AKIP1: variants seen among roughly 807,000 people sequenced by gnomAD.
AKIP1 encodes A-kinase interacting protein 1.
A neutral mutation model predicts 22.3 loss-of-function variants in AKIP1; 18 were observed. The observed-to-expected ratio is 0.81, with a 90% confidence interval of 0.56 to 1.19. The LOEUF is 1.19. Among genes scored for constraint, AKIP1 ranks in the 50% most tolerant of loss-of-function variants. The probability of loss-of-function intolerance (pLI) is 0.00; values close to 1 mark genes in which losing one functional copy is unlikely to be tolerated. For missense variants in AKIP1, 287 were observed against 264.6 expected (o/e 1.08, Z -0.59); for synonymous variants, 120 against 102.7 (o/e 1.17, Z -1.02).
intron 4 of AKIP1, 127 bp from the exon 5 acceptor site, chr11:8,917,160 C>T: frequency 1.7e-6 from 1 of 593,412 alleles, no homozygotes; most frequent in Non-Finnish European, 2.9e-6. Flanking sequence ...GCCTTAATGA[C>T]TTAGATGACA....
intron 5 of AKIP1, among the ~76,000 whole-genome samples, chr11:8,918,276 T>C (rs1353014531): frequency 6.6e-6 from 1 of 152,236 alleles, no homozygotes; most frequent in Non-Finnish European, 1.5e-5. Flanking sequence ...TTAATGACAT[T>C]GTCATACACA....
intron 2 of AKIP1, 96 bp from the exon 3 acceptor site, chr11:8,912,357 C>G: frequency 1.0e-6 from 1 of 961,020 alleles, no homozygotes; most frequent in East Asian, 2.4e-5. Context: ...CTTGCAGAGC[C>G]TTTCCAAAAG....
intron 1 of AKIP1, 75 bp from the exon 2 acceptor site, chr11:8,911,369 T>G: frequency 7.4e-7 from 1 of 1,345,246 alleles, no homozygotes; most frequent in Non-Finnish European, 1.0e-6. Context: ...AGGCTGGGGC[T>G]CCCACCCGGA....
Position 8,919,956 on chromosome 11 carries a change from G to C in AKIP1, c.*476G>C, listed in dbSNP as rs1196125965. The C allele has an allele frequency of 6.2e-6, 1 of 161,546 alleles. No homozygotes were observed. 10.0% of individuals were successfully genotyped at this position (161,546 alleles called of 1,614,324 possible). A position where few individuals can be genotyped will look rare whatever the true frequency, so the allele number is the denominator to read the frequency against. On this transcript the variant is annotated 3_prime_UTR_variant, in exon 6 of 6. Transcript: ENST00000309377. Reference sequence around the variant, plus strand: ...CCGGCCTCAGTGCCTTTTTTAACTTGAGGGTGTAGAGGTCCTCCACGCTTG... The same window carrying C: ...CCGGCCTCAGTGCCTTTTTTAACTTCAGGGTGTAGAGGTCCTCCACGCTTG...
chr11:8,917,430 C>A (rs1307014572), intron 5 of AKIP1, 63 bp downstream of exon 5: 1 of 1,257,586 alleles, frequency 8.0e-7, no homozygotes, highest in Non-Finnish European at 1.2e-6. Context: ...AACCAGTTGA[C>A]ATGGTTCTTA....
At chr11:8,915,845 T>A (rs3105215) in intron 4 of AKIP1, among the ~76,000 whole-genome samples, 124,947 of 138,700 alleles carry the variant, frequency 0.9, 57,869 homozygotes, top group East Asian at 1. Flanking sequence ...TTTTGTGGAG[T>A]CACAGTCTTG....
intron 5 of AKIP1, 177 bp downstream of exon 5, chr11:8,917,544 G>T: frequency 1.6e-6 from 1 of 615,408 alleles, no homozygotes. Context: ...GGTTTTCTTG[G>T]TATTCTTCCT....
At chr11:8,912,669 A>G in intron 3 of AKIP1, 136 bp downstream of exon 3, 1 of 786,850 alleles carries the variant, frequency 1.3e-6, no homozygotes, top group Non-Finnish European at 2.1e-6. Context: ...TAATCAGTCA[A>G]GGACTTAAAC....
chr11:8,919,584 A>G lies in AKIP1; in HGVS notation c.*104A>G. ...TACATTAATCCTGTTTTTAGTGCTG[A>G]CTGGGTCAGCCTTCCGGGAACTGGA... is the stretch of plus-strand genomic sequence containing the variant. On this transcript the variant is annotated 3_prime_UTR_variant, in exon 6 of 6. Coordinates refer to ENST00000309377, the MANE Select transcript of AKIP1 (RefSeq NM_020642.4). 2 of 1,316,170 alleles carry G rather than the reference A, an allele frequency of 1.5e-6. No homozygotes were observed. 81.5% of individuals were successfully genotyped at this position (1,316,170 alleles called of 1,614,324 possible). A position where few individuals can be genotyped will look rare whatever the true frequency, so the allele number is the denominator to read the frequency against.
In AKIP1 at chr11:8,919,648, T is replaced by G. The variant is rs2064547983; in HGVS notation, c.*168T>G. On this transcript the variant is annotated 3_prime_UTR_variant, in exon 6 of 6. Coordinates refer to ENST00000309377, the MANE Select transcript of AKIP1 (RefSeq NM_020642.4). ...AGTGCTTTTTTGTTTGTTTGGTTGGTTTTTTTTTGAGACAGTCTCACTCTG... is the reference window on the plus strand; with the variant it reads ...AGTGCTTTTTTGTTTGTTTGGTTGGGTTTTTTTTGAGACAGTCTCACTCTG... 2 of 720,152 alleles carry G rather than the reference T, an allele frequency of 2.8e-6. No homozygotes were observed. The highest frequency in any genetic ancestry group is 2.2e-6 in the Non-Finnish European group (1 of 457,104). The allele number at this position is 720,152 out of a possible 1,614,324, so 44.6% of individuals were successfully genotyped here. A position where few individuals can be genotyped will look rare whatever the true frequency, so the allele number is the denominator to read the frequency against.
At chr11:8,917,613 A>G (rs1288386010) in intron 5 of AKIP1, 1 of 531,154 alleles carries the variant, frequency 1.9e-6, no homozygotes, top group Admixed American at 3.1e-5. Flanking sequence ...GTTGGAAAGA[A>G]TGTGAAGTAT....
rs1384027174 is a variant in AKIP1, at chr11:8,919,855, T to G, written c.*375T>G. The G allele has an allele frequency of 5.5e-6, 1 of 182,278 alleles. No individual in the cohort carries two copies. Among genetic ancestry groups the G allele is most frequent in the Non-Finnish European group, 1.2e-5 (1 of 86,416 alleles). The allele number at this position is 182,278 out of a possible 1,614,324, so 11.3% of individuals were successfully genotyped here. Reference sequence around the variant, plus strand: ...GGTTTCACCATGTTGGCCAGGATGGTCTCGATCTCTTGACCTCGTGATCCA... The same window carrying G: ...GGTTTCACCATGTTGGCCAGGATGGGCTCGATCTCTTGACCTCGTGATCCA... On this transcript the variant is annotated 3_prime_UTR_variant, in exon 6 of 6. Coordinates refer to ENST00000309377, the MANE Select transcript of AKIP1 (RefSeq NM_020642.4).
Position 8,919,327 on chromosome 11 carries a change from T to C in AKIP1, c.490-10T>C, listed in dbSNP as rs199618221. On this transcript the variant is annotated splice_polypyrimidine_tract_variant and intron_variant, in intron 5 of 5. Transcript: ENST00000309377. ...ATCTCTAAACTGCTAATATCCTCTTTTCCTTCTAGGCTGAGAACATCTCTA... is the reference window on the plus strand; with the variant it reads ...ATCTCTAAACTGCTAATATCCTCTTCTCCTTCTAGGCTGAGAACATCTCTA... 2.4e-5 allele frequency: 38 copies of C among 1,608,778 alleles called. No homozygotes were observed. Among genetic ancestry groups the C allele is most frequent in the Non-Finnish European group, 7.6e-6 (9 of 1,178,432 alleles).
Position 8,919,644 on chromosome 11 carries a change from T to C in AKIP1, c.*164T>C. ...TTTCAGTGCTTTTTTGTTTGTTTGG[T>C]TGGTTTTTTTTTGAGACAGTCTCAC... On this transcript the variant is annotated 3_prime_UTR_variant, in exon 6 of 6. Coordinates refer to ENST00000309377, the MANE Select transcript of AKIP1 (RefSeq NM_020642.4). 1.3e-6 allele frequency: 1 copy of C among 770,730 alleles called. No individual in the cohort carries two copies. The allele number at this position is 770,730 out of a possible 1,614,324, so 47.7% of individuals were successfully genotyped here.
At position 8,919,295 on chromosome 11, in the gene AKIP1, G is replaced by T. The variant is rs759862210; in HGVS notation, c.490-42G>T. 1.9e-6 allele frequency: 3 copies of T among 1,590,078 alleles called. No individual in the cohort carries two copies. In the South Asian group the frequency reaches 3.4e-5, roughly 18 times the overall value. On this transcript the variant is annotated intron_variant, in intron 5 of 5. Transcript: ENST00000309377. ...GCTGGGGGGCCATGGTGGCACTGGG[G>T]TATAAAATCTCTAAACTGCTAATAT...
chr11:8,912,599 G>A, intron 3 of AKIP1, 66 bp downstream of exon 3: 1 of 1,415,796 alleles, frequency 7.1e-7, no homozygotes, highest in Non-Finnish European at 1.0e-6. Flanking sequence ...GATCTTTCTG[G>A]AATTTACGGA....
intron 5 of AKIP1, 125 bp downstream of exon 5, chr11:8,917,492 A>G: frequency 1.3e-6 from 1 of 773,806 alleles, no homozygotes; most frequent in Admixed American, 2.1e-5. Flanking sequence ...ATGTTCTTAC[A>G]CTTAAGAAGG....
chr11:8,914,440 G>C (rs1365755481), intron 3 of AKIP1, among the ~76,000 whole-genome samples: 1 of 152,184 alleles, frequency 6.6e-6, no homozygotes, highest in Non-Finnish European at 1.5e-5. Context: ...CCTGGTCTGA[G>C]ACTTAGACAA....
chr11:8,913,804 T>G (rs2064436917), intron 3 of AKIP1, among the ~76,000 whole-genome samples: 1 of 152,224 alleles, frequency 6.6e-6, no homozygotes, highest in Admixed American at 6.5e-5. Context: ...GGGAATATTT[T>G]TATCTTATTT....
Sources: gnomAD v4.1 joint callset for allele counts (sites outside exome capture counted in the v4.1 genomes callset) on GRCh38, gnomAD v4.1.1 for gene constraint, MANE v1.5 for transcripts, NCBI Gene and HGNC (gene_info 2026-07-23, HGNC 2026-07-21) for gene names.